The following FRAS1 variants were observed in gnomAD, a reference collection of about 807,000 sequenced individuals.
The protein encoded by FRAS1 is Fraser extracellular matrix complex subunit 1.
In FRAS1, 290 loss-of-function variants were observed where a neutral mutation model predicts 435.2. The ratio of observed to expected loss-of-function variants is 0.67; its 90% CI spans 0.61 to 0.73. FRAS1 has a LOEUF of 0.73. FRAS1 is among the 30% of genes least tolerant of loss of function. FRAS1 has a pLI of 0.00. For synonymous variants in FRAS1, 1,800 were observed against 1,851.0 expected, an observed-to-expected ratio of 0.97 and a Z score of 0.71; for missense variants, 4,860 against 5,001.5, an observed-to-expected ratio of 0.97 and a Z score of 0.85.
rs564291693 is a variant in FRAS1 at position 78,297,957 on chromosome 4, A to G, written c.1535-10109A>G. Among the ~76,000 whole-genome samples, 8 of 150,804 alleles carry G rather than the reference A, an allele frequency of 5.3e-5. No homozygotes were observed. In the South Asian group the frequency reaches 1.7e-3, roughly 32 times the overall value. ...AGATTATAGCTGTTCTTGCCACTCA[A>G]GGGAAAATGGGTAACTATATGGGAA... On this transcript the variant is annotated intron_variant, in intron 14 of 73. Transcript: ENST00000512123.
intron 2 of FRAS1, among the ~76,000 whole-genome samples, chr4:78,099,678 T>C (rs765177752): frequency 7.2e-5 from 11 of 152,084 alleles, no homozygotes; most frequent in Non-Finnish European, 1.5e-4. Flanking sequence ...AGTGAGAACA[T>C]AGTAAAGTGG....
chr4:78,517,879 T>G (rs1721258248), intron 66 of FRAS1, among the ~76,000 whole-genome samples: 1 of 152,174 alleles, frequency 6.6e-6, no homozygotes, highest in Non-Finnish European at 1.5e-5. Flanking sequence ...TTGGAGCAGG[T>G]GTATTTAGCA....
chr4:78,458,058 C>G (rs1719259683), intron 47 of FRAS1, among the ~76,000 whole-genome samples: 1 of 152,104 alleles, frequency 6.6e-6, no homozygotes. Context: ...AGAGAGAGGT[C>G]AAAGCGAGAA....
intron 69 of FRAS1, among the ~76,000 whole-genome samples, chr4:78,524,808 A>C (rs1180194039): frequency 1.3e-5 from 2 of 152,208 alleles, no homozygotes; most frequent in Non-Finnish European, 2.9e-5. Flanking sequence ...AGTATAACAA[A>C]TGTCAGAAGG....
At chr4:78,449,537 C>T (rs547299533) in intron 44 of FRAS1, among the ~76,000 whole-genome samples, 6 of 152,156 alleles carry the variant, frequency 3.9e-5, no homozygotes, top group South Asian at 2.1e-4. Context: ...CATGATAAAG[C>T]GGCTGGGTAA....
At chr4:78,485,869 C>A (rs895616792) in intron 58 of FRAS1, among the ~76,000 whole-genome samples, 3 of 152,192 alleles carry the variant, frequency 2.0e-5, no homozygotes, top group Non-Finnish European at 4.4e-5. Flanking sequence ...CAATGCTAAC[C>A]GTCACTCAAG....
chr4:78,515,908 C>G lies in FRAS1; in HGVS notation c.10284C>G (p.Leu3428=). 5 of 1,614,028 alleles carry G rather than the reference C, an allele frequency of 3.1e-6. No homozygotes were observed. Among genetic ancestry groups the G allele is most frequent in the Non-Finnish European group, 4.2e-6 (5 of 1,179,894 alleles). ...TGCGAGAGCCGAAGACCATCCAGCTCTACAAACACCTGAACCTGAAGAGCT... is the reference window on the plus strand; with the variant it reads ...TGCGAGAGCCGAAGACCATCCAGCTGTACAAACACCTGAACCTGAAGAGCT... The part of the protein sequence containing the change: ...PSVREPKTIQ[L]YKHLNLKSCV... Residue 3428 remains leucine, a synonymous_variant, in exon 66 of 74, where the codon CTC becomes CTG. Transcript: ENST00000512123.
intron 6 of FRAS1, among the ~76,000 whole-genome samples, chr4:78,262,023 G>T (rs1422666101): frequency 1.3e-5 from 2 of 151,980 alleles, no homozygotes; most frequent in Non-Finnish European, 2.9e-5. Flanking sequence ...AAGCTGCAAG[G>T]GTAAGTAGAT....
At chr4:78,337,579 T>A (rs1049944172) in intron 19 of FRAS1, 95 bp from the exon 20 acceptor site, 3 of 1,380,162 alleles carry the variant, frequency 2.2e-6, no homozygotes, top group Non-Finnish European at 3.0e-6. Flanking sequence ...GAGTTGGAGG[T>A]CTGCTTTTAA....
chr4:78,102,620 A>G (rs1285260204), intron 2 of FRAS1, among the ~76,000 whole-genome samples: 1 of 152,216 alleles, frequency 6.6e-6, no homozygotes, highest in African/African-American at 2.4e-5. Context: ...CTGAAAATTG[A>G]AGAAAACATG....
intron 2 of FRAS1, among the ~76,000 whole-genome samples, chr4:78,164,630 G>A (rs762067471): frequency 2.0e-5 from 3 of 151,916 alleles, no homozygotes; most frequent in South Asian, 2.1e-4. Flanking sequence ...AAGTTTAAAG[G>A]CATGTTAAAA....
chr4:78,067,137 T>A (rs1740078307), intron 2 of FRAS1, among the ~76,000 whole-genome samples: 2 of 152,212 alleles, frequency 1.3e-5, no homozygotes, highest in African/African-American at 4.8e-5. Flanking sequence ...TTATTTATTG[T>A]GTAGAGTACT....
rs375437443 is a variant in FRAS1, at chr4:78,513,403, C to T, written c.10025C>T (p.Ser3342Leu). Residue 3342 changes from serine to leucine, a missense_variant, in exon 65 of 74, where the codon TCG becomes TTG. Ser to Leu is a moderately radical substitution (Grantham distance 145). Transcript: ENST00000512123. The stretch of plus-strand genomic sequence containing the variant: ...CTTTTTCCCCCTAGAATCCACATTT[C>T]GGTGCAGATCCCACACCAGGATGGA... The part of the protein sequence containing the change: ...HKEHPNRIHI[S>L]VQIPHQDGML... The T allele has an allele frequency of 1.8e-5, 29 of 1,613,698 alleles. No individual in the cohort carries two copies. Among genetic ancestry groups the T allele is most frequent in the African/African-American group, 1.2e-4 (9 of 75,030 alleles).
intron 29 of FRAS1, among the ~76,000 whole-genome samples, chr4:78,393,626 G>GACT: frequency 6.6e-6 from 1 of 152,152 alleles, no homozygotes; most frequent in East Asian, 1.9e-4. Context: ...TCACTTTTAA[G>GACT]GCTGAATAAT....
intron 2 of FRAS1, among the ~76,000 whole-genome samples, chr4:78,109,551 C>G (rs1181461088): frequency 2.2e-5 from 3 of 136,798 alleles, no homozygotes; most frequent in East Asian, 2.1e-4. Flanking sequence ...ATTCAACAAC[C>G]CTTCATGCTA....
intron 2 of FRAS1, among the ~76,000 whole-genome samples, chr4:78,193,833 T>C (rs1210018911): frequency 1.3e-5 from 2 of 152,188 alleles, no homozygotes; most frequent in African/African-American, 4.8e-5. Flanking sequence ...GCTGGTTATT[T>C]TGCTTGTTAG....
Position 78,255,324 on chromosome 4 carries a change from T to A in FRAS1, c.552T>A (p.Asn184Lys). The change falls in exon 6 of 74, where the codon AAT becomes AAA. Residue 184 changes from asparagine to lysine, a missense_variant. Transcript: ENST00000512123. ...LSRCAKCLCRNGVAQCFTAQC... is the reference protein window; with the variant it reads ...LSRCAKCLCRKGVAQCFTAQC... ...GGTGTGCCAAATGTCTGTGTAGAAA[T>A]GGGGTTGCCCAGTGCTTCACAGCTC... The A allele has an allele frequency of 6.3e-7, 1 of 1,578,608 alleles. No homozygotes were observed. Among genetic ancestry groups the A allele is most frequent in the African/African-American group, 1.3e-5 (1 of 74,458 alleles).
At chr4:78,072,766 C>T (rs1265176267) in intron 2 of FRAS1, among the ~76,000 whole-genome samples, 1 of 151,182 alleles carries the variant, frequency 6.6e-6, no homozygotes, top group Non-Finnish European at 1.5e-5. Flanking sequence ...GGGGATGCCA[C>T]TCTTTATTAA....
chr4:78,330,599 T>TG (rs1729907580), intron 18 of FRAS1, among the ~76,000 whole-genome samples: 1 of 152,190 alleles, frequency 6.6e-6, no homozygotes, highest in African/African-American at 2.4e-5. Context: ...GTCTCTGAAC[T>TG]GGCCCCCCTG....
Sources: allele counts gnomAD v4.1 joint callset (sites outside exome capture counted in the v4.1 genomes callset), GRCh38; gene constraint gnomAD v4.1.1; transcripts MANE v1.5; gene names NCBI Gene and HGNC (gene_info 2026-07-23, HGNC 2026-07-21).